The following MAN1A1 variants were observed in gnomAD, a reference collection of about 807,000 sequenced individuals.
MAN1A1 encodes the protein mannosyl-oligosaccharide 1,2-alpha-mannosidase IA.
MAN1A1 carries 29 observed loss-of-function variants against 70.8 expected under a neutral mutation model. That is an observed-to-expected ratio of 0.41 (90% CI 0.31 to 0.56). MAN1A1 has a LOEUF of 0.56. MAN1A1 is among the 20% of genes least tolerant of loss of function. The pLI is 0.29. For missense variants in MAN1A1, 747 were observed against 841.3 expected (o/e 0.89, Z 1.39); for synonymous variants, 349 against 330.1 (o/e 1.06, Z -0.62).
At chr6:119,336,067 T>G (rs1191096655) in intron 2 of MAN1A1, among the ~76,000 whole-genome samples, 1 of 152,048 alleles carries the variant, frequency 6.6e-6, no homozygotes, top group Non-Finnish European at 1.5e-5. Context: ...CTTTCAAAAT[T>G]TTTTTATTAT....
Position 119,349,757 on chromosome 6 carries a change from G to C in MAN1A1, c.-438C>G. 1.0e-6 allele frequency: 1 copy of C among 985,502 alleles called. No homozygotes were observed. Among genetic ancestry groups the C allele is most frequent in the Non-Finnish European group, 1.2e-6 (1 of 829,942 alleles). 61.0% of individuals were successfully genotyped at this position (985,502 alleles called of 1,614,324 possible). A position where few individuals can be genotyped will look rare whatever the true frequency, so the allele number is the denominator to read the frequency against. On this transcript the variant is annotated 5_prime_UTR_variant, in exon 1 of 13. Coordinates refer to ENST00000368468, the MANE Select transcript of MAN1A1 (RefSeq NM_005907.4). ...GGTACACTCCGCCGCGGCCCCGCGA[G>C]CACTAATCTCACTGCCGGTCTTGGG...
intron 7 of MAN1A1, among the ~76,000 whole-genome samples, chr6:119,202,587 C>G (rs1773743769): frequency 6.6e-6 from 1 of 152,104 alleles, no homozygotes; most frequent in African/African-American, 2.4e-5. Flanking sequence ...ATGTGCTATA[C>G]TTTTATGTGA....
chr6:119,198,639 T>C (rs1773636599), intron 8 of MAN1A1, among the ~76,000 whole-genome samples: 1 of 152,244 alleles, frequency 6.6e-6, no homozygotes. Context: ...AAAAGTTATA[T>C]TTTACAAAAC....
At chr6:119,244,799 A>C (rs529304651) in intron 6 of MAN1A1, among the ~76,000 whole-genome samples, 25 of 152,272 alleles carry the variant, frequency 1.6e-4, no homozygotes, top group Non-Finnish European at 2.9e-4. Flanking sequence ...GTAACACACA[A>C]AAATAAATTC....
chr6:119,188,256 T>A (rs1001947885), intron 11 of MAN1A1, 149 bp downstream of exon 11: 1 of 629,126 alleles, frequency 1.6e-6, no homozygotes, highest in Non-Finnish European at 2.6e-6. Flanking sequence ...ATAAAATGAC[T>A]TCAATGAAAA....
intron 5 of MAN1A1, among the ~76,000 whole-genome samples, chr6:119,257,496 T>C (rs961526953): frequency 3.3e-5 from 5 of 152,002 alleles, no homozygotes; most frequent in African/African-American, 9.7e-5. Flanking sequence ...GAGGCAAACA[T>C]ATATGAACGA....
intron 5 of MAN1A1, among the ~76,000 whole-genome samples, chr6:119,271,371 T>C (rs1457755453): frequency 3.3e-5 from 5 of 152,214 alleles, no homozygotes; most frequent in Non-Finnish European, 7.3e-5. Context: ...AGGTAATACC[T>C]AATAACCAAA....
At chr6:119,236,685 G>C (rs1774854064) in intron 6 of MAN1A1, among the ~76,000 whole-genome samples, 1 of 148,580 alleles carries the variant, frequency 6.7e-6, no homozygotes, top group Non-Finnish European at 1.5e-5. Flanking sequence ...TCCAGCCTGG[G>C]CGAGAAAGTG....
intron 4 of MAN1A1, among the ~76,000 whole-genome samples, chr6:119,291,042 G>A (rs577599255): frequency 3.3e-5 from 5 of 151,858 alleles, no homozygotes; most frequent in East Asian, 1.9e-4. Flanking sequence ...TAAATGATAC[G>A]GTTTGTCTCT....
At chr6:119,293,265 T>C (rs1161999689) in intron 4 of MAN1A1, among the ~76,000 whole-genome samples, 1 of 152,106 alleles carries the variant, frequency 6.6e-6, no homozygotes, top group Non-Finnish European at 1.5e-5. Context: ...TAGACATCAA[T>C]CAACTGTTGG....
chr6:119,278,049 T>C lies in MAN1A1; in HGVS notation c.897+12634A>G, dbSNP rs139284776. Among the ~76,000 whole-genome samples the C allele has an allele frequency of 9.6e-3, 1,453 of 150,736 alleles. 21 individuals are homozygous for C. Among genetic ancestry groups the C allele is most frequent in the African/African-American group, 0.034 (1,382 of 40,462 alleles). ...ATATAGTCCCAGCTATTCAGAGAGC[T>C]GAGGCAGGATTCCTTGAGCCCAGGA... On this transcript the variant is annotated intron_variant, in intron 5 of 12. Coordinates refer to ENST00000368468, the MANE Select transcript of MAN1A1 (RefSeq NM_005907.4).
intron 2 of MAN1A1, chr6:119,327,391 G>GGT (rs1773181737): frequency 1.5e-5 from 1 of 64,942 alleles, no homozygotes; most frequent in Admixed American, 1.5e-4. Flanking sequence ...TTTTTTTTTT[G>GGT]TTTTTTTTTT....
chr6:119,184,238 C>G (rs1262872617), intron 11 of MAN1A1, among the ~76,000 whole-genome samples: 1 of 152,096 alleles, frequency 6.6e-6, no homozygotes. Flanking sequence ...TTCTCAGCCT[C>G]TAGGCATGGG....
In MAN1A1 at chr6:119,311,239, T is replaced by A. The variant is rs17080980; in HGVS notation, c.604-4247A>T. 5.9e-3 allele frequency among the ~76,000 whole-genome samples: 893 copies of A among 152,332 alleles called. 30 individuals carry two copies. In the East Asian group the frequency reaches 0.09, roughly 15 times the overall value. Reference sequence around the variant, plus strand: ...CTTTTATTAAAAACCTAAGAATGTCTGTGATCTTTGCAATCTAAAAGAGCT... The same window carrying A: ...CTTTTATTAAAAACCTAAGAATGTCAGTGATCTTTGCAATCTAAAAGAGCT... On this transcript the variant is annotated intron_variant, in intron 2 of 12. Transcript: ENST00000368468.
rs10562938 is a variant in MAN1A1, at chr6:119,331,570, CATATATATATATAT to C, written c.603+16879_603+16892del. ...CGCACATAACCATGTACATATTATG[CATATATATATATAT>C]ATATATATATATATAATCAAGGGGA... On this transcript the variant is annotated intron_variant, in intron 2 of 12. Coordinates refer to ENST00000368468, the MANE Select transcript of MAN1A1 (RefSeq NM_005907.4). 3.3e-4 allele frequency among the ~76,000 whole-genome samples: 39 copies of C among 117,968 alleles called. 1 individual carries two copies. The highest frequency in any genetic ancestry group is 4.4e-4 in the African/African-American group (14 of 31,922). 77.4% of individuals were successfully genotyped at this position (117,968 alleles called of 152,430 possible).
intron 6 of MAN1A1, chr6:119,210,809 G>A: frequency 2.8e-6 from 1 of 357,130 alleles, no homozygotes; most frequent in Non-Finnish European, 5.7e-6. Context: ...GAAGGACTTG[G>A]GAATGTGTAT....
intron 5 of MAN1A1, among the ~76,000 whole-genome samples, chr6:119,287,276 CCTCT>C (rs1776401515): frequency 6.6e-6 from 1 of 152,052 alleles, no homozygotes; most frequent in African/African-American, 2.4e-5. Flanking sequence ...GCTCTTCAGC[CCTCT>C]CTCTGATTCT....
intron 2 of MAN1A1, among the ~76,000 whole-genome samples, chr6:119,344,204 T>C (rs997623890): frequency 2.0e-5 from 3 of 152,232 alleles, no homozygotes; most frequent in African/African-American, 7.2e-5. Context: ...TTAACTAGTT[T>C]CTAAGTCCCA....
At chr6:119,337,950 A>G (rs1011615421) in intron 2 of MAN1A1, among the ~76,000 whole-genome samples, 1 of 152,196 alleles carries the variant, frequency 6.6e-6, no homozygotes, top group African/African-American at 2.4e-5. Context: ...AATGCCTTAT[A>G]AAATTGCTGA....
Sources: gnomAD v4.1 joint callset for allele counts (sites outside exome capture counted in the v4.1 genomes callset) on GRCh38, gnomAD v4.1.1 for gene constraint, MANE v1.5 for transcripts, NCBI Gene and HGNC (gene_info 2026-07-23, HGNC 2026-07-21) for gene names.